The following KLHL4 variants were observed in gnomAD, a reference collection of about 807,000 sequenced individuals.
KLHL4 encodes the protein kelch-like protein 4.
Under a neutral mutation model 45.8 loss-of-function variants are expected in KLHL4, and 17 were observed. The ratio of observed to expected loss-of-function variants is 0.37; its 90% confidence interval spans 0.25 to 0.56. The LOEUF (loss-of-function observed/expected upper bound fraction) is 0.56. Among genes scored for constraint, KLHL4 ranks in the 20% least tolerant of loss-of-function variants. KLHL4 has a pLI of 0.79. For synonymous variants in KLHL4, 224 were observed against 189.9 expected (o/e 1.18, Z -1.47); for missense variants, 544 against 544.9 (o/e 1.00, Z 0.02).
At chrX:87,644,176 T>C (rs1923554838) in intron 9 of KLHL4, among the ~76,000 whole-genome samples, 1 of 111,576 alleles carries the variant, frequency 9.0e-6, no homozygotes, top group African/African-American at 3.3e-5. Context: ...AGAAAGCTCC[T>C]AGAACTGATA....
intron 1 of KLHL4, among the ~76,000 whole-genome samples, chrX:87,520,153 C>T (rs1930972448): frequency 8.9e-6 from 1 of 111,896 alleles, no homozygotes; most frequent in South Asian, 3.7e-4. Flanking sequence ...AATTGAAATA[C>T]GATGGTTTAT....
At chrX:87,662,751 A>C (rs1243942591) in intron 9 of KLHL4, among the ~76,000 whole-genome samples, 1 of 109,647 alleles carries the variant, frequency 9.1e-6, no homozygotes, top group East Asian at 2.9e-4. Context: ...AACACGGTGA[A>C]ACCCCGTCTC....
At chrX:87,526,422 T>C (rs1931111171) in intron 1 of KLHL4, among the ~76,000 whole-genome samples, 1 of 111,996 alleles carries the variant, frequency 8.9e-6, no homozygotes, top group African/African-American at 3.2e-5. Flanking sequence ...TATGGCATAG[T>C]TGGAGAGATA....
At chrX:87,552,137 A>G (rs1931840833) in intron 1 of KLHL4, among the ~76,000 whole-genome samples, 2 of 111,434 alleles carry the variant, frequency 1.8e-5, no homozygotes, top group African/African-American at 6.5e-5. Context: ...AATCTTCACA[A>G]TCTGTACATC....
chrX:87,649,195 T>C (rs767037825), intron 9 of KLHL4, among the ~76,000 whole-genome samples: 1 of 111,795 alleles, frequency 8.9e-6, no homozygotes, highest in South Asian at 3.7e-4. Flanking sequence ...CATTTTTACC[T>C]CTCCGCAGCC....
rs1161682338 is a variant in KLHL4, at chrX:87,517,939, A to T, written c.46A>T (p.Arg16Trp). ...AGAGTTTGATGTGAAACAGATCCTA[A>T]GGCTACGCTGGAGGTGGTTTAGTCA... Reference protein sequence around the residue: ...KKEFDVKQILRLRWRWFSHPF... With the variant: ...KKEFDVKQILWLRWRWFSHPF... The change falls in exon 1 of 11, where the codon AGG (arginine) becomes TGG (tryptophan). Residue 16 changes from arginine (R) to tryptophan (W), a missense_variant. Coordinates refer to ENST00000373119, the MANE Select transcript of KLHL4 (RefSeq NM_019117.5). The T allele has an allele frequency of 1.8e-5, 22 of 1,209,622 alleles. No individual in the cohort carries two copies. The highest frequency in any genetic ancestry group is 2.5e-5 in the Non-Finnish European group (22 of 894,964).
intron 1 of KLHL4, among the ~76,000 whole-genome samples, chrX:87,529,579 T>G (rs753046406): frequency 9.0e-6 from 1 of 111,455 alleles, no homozygotes; most frequent in African/African-American, 3.3e-5. Context: ...ATCTTGATCT[T>G]TTATTATTAA....
chrX:87,661,777 T>C (rs1223635794), intron 9 of KLHL4, among the ~76,000 whole-genome samples: 1 of 111,920 alleles, frequency 8.9e-6, no homozygotes, highest in Non-Finnish European at 1.9e-5. Flanking sequence ...ACGAGAACTT[T>C]ACACATACTA....
At chrX:87,591,810 A>G (rs892146372) in intron 1 of KLHL4, among the ~76,000 whole-genome samples, 1 of 112,216 alleles carries the variant, frequency 8.9e-6, no homozygotes, top group Non-Finnish European at 1.9e-5. Context: ...TTACACTGGA[A>G]TAAATGGGGT....
intron 1 of KLHL4, among the ~76,000 whole-genome samples, chrX:87,535,904 C>T (rs1454088374): frequency 9.1e-6 from 1 of 109,960 alleles, no homozygotes; most frequent in African/African-American, 3.3e-5. Flanking sequence ...CTCTTTTGCT[C>T]CTTCTCCAAC....
At chrX:87,567,622 C>T (rs1932241861) in intron 1 of KLHL4, among the ~76,000 whole-genome samples, 1 of 111,806 alleles carries the variant, frequency 8.9e-6, no homozygotes, top group Non-Finnish European at 1.9e-5. Flanking sequence ...CACTATTCTG[C>T]CTTAAAAAGA....
At chrX:87,575,497 T>A (rs1465756077) in intron 1 of KLHL4, among the ~76,000 whole-genome samples, 1 of 111,810 alleles carries the variant, frequency 8.9e-6, no homozygotes, top group African/African-American at 3.3e-5. Flanking sequence ...CTGGTATAGG[T>A]GATAATGACA....
At chrX:87,622,457 G>A (rs754012663) in intron 5 of KLHL4, 34 bp downstream of exon 5, 1 of 938,796 alleles carries the variant, frequency 1.1e-6, no homozygotes, top group East Asian at 3.1e-5. Flanking sequence ...TTAAAATATA[G>A]TTCTGAACTA....
rs781088344 is a variant in KLHL4, at chrX:87,668,002, C to G, written c.*1468C>G. 1.7e-4 allele frequency: 124 copies of G among 723,618 alleles called. No homozygotes were observed. In the Admixed American group the frequency reaches 2.0e-3, roughly 12 times the overall value. 59.6% of individuals were successfully genotyped at this position (723,618 alleles called of 1,213,427 possible). On this transcript the variant is annotated 3_prime_UTR_variant, in exon 11 of 11. Coordinates refer to ENST00000373119, the MANE Select transcript of KLHL4 (RefSeq NM_019117.5). Reference sequence around the variant, plus strand: ...CTTTTTGATTTTACATTTCCTATATCACTAAAATACTTAAACACAAAAATA... The same window carrying G: ...CTTTTTGATTTTACATTTCCTATATGACTAAAATACTTAAACACAAAAATA...
chrX:87,535,050 A>G (rs2147769358), intron 1 of KLHL4, among the ~76,000 whole-genome samples: 1 of 112,096 alleles, frequency 8.9e-6, no homozygotes, highest in East Asian at 2.8e-4. Flanking sequence ...CTTACCATAA[A>G]TGATTAGAAC....
Position 87,613,971 on chromosome X carries a change from G to A in KLHL4, c.517G>A (p.Glu173Lys). Residue 173 changes from glutamate (E) to lysine (K), a missense_variant, in exon 2 of 11, where the codon GAG (glutamate) becomes AAG (lysine). Transcript: ENST00000373119. ...CGCAGAGCAAACTCTTCGTAAAATG[G>A]AGAACTACTTGAAAGAGAAACAACT... ...NHAEQTLRKM[E>K]NYLKEKQLCD... 6.6e-6 allele frequency: 8 copies of A among 1,208,178 alleles called. No homozygotes were observed. Among genetic ancestry groups the A allele is most frequent in the Non-Finnish European group, 9.0e-6 (8 of 893,038 alleles).
At chrX:87,638,285 G>T (rs903588963) in intron 9 of KLHL4, among the ~76,000 whole-genome samples, 1 of 111,930 alleles carries the variant, frequency 8.9e-6, no homozygotes, top group Non-Finnish European at 1.9e-5. Flanking sequence ...GGATAATCAA[G>T]GAAAACTTCC....
Position 87,666,751 on chromosome X carries a change from C to T in KLHL4, c.*217C>T, listed in dbSNP as rs961978472. 35 of 925,622 alleles carry T rather than the reference C, an allele frequency of 3.8e-5. No homozygotes were observed. Among genetic ancestry groups the T allele is most frequent in the African/African-American group, 1.0e-4 (5 of 48,745 alleles). The allele number at this position is 925,622 out of a possible 1,213,427, so 76.3% of individuals were successfully genotyped here. On this transcript the variant is annotated 3_prime_UTR_variant, in exon 11 of 11. Transcript: ENST00000373119. Reference sequence around the variant, plus strand: ...ATGAATTATTAAGCATATGTGCTTTCGCAGCTGATAATATAAAAGGAAATC... The same window carrying T: ...ATGAATTATTAAGCATATGTGCTTTTGCAGCTGATAATATAAAAGGAAATC...
intron 9 of KLHL4, among the ~76,000 whole-genome samples, chrX:87,642,820 GT>G (rs1325033747): frequency 8.9e-6 from 1 of 112,070 alleles, no homozygotes; most frequent in South Asian, 3.7e-4. Context: ...CAAAGACAAG[GT>G]TTTTTAATTA....
Sources: gnomAD v4.1 joint callset for allele counts (sites outside exome capture counted in the v4.1 genomes callset) on GRCh38, gnomAD v4.1.1 for gene constraint, MANE v1.5 for transcripts, NCBI Gene and HGNC (gene_info 2026-07-23, HGNC 2026-07-21) for gene names.